TAF2: variants seen among roughly 807,000 people sequenced by gnomAD.
TAF2 encodes TATA-box binding protein associated factor 2.
TAF2 carries 61 observed loss-of-function variants against 138.5 expected under a neutral mutation model. The ratio of observed to expected loss-of-function variants is 0.44; its 90% confidence interval spans 0.36 to 0.54. The LOEUF (loss-of-function observed/expected upper bound fraction) is 0.54. TAF2 is among the 20% of genes least tolerant of loss of function. TAF2 has a pLI of 0.00. For synonymous variants in TAF2, 475 were observed against 469.9 expected, an observed-to-expected ratio of 1.01 and a Z score of -0.14; for missense variants, 1,090 against 1,427.9, an observed-to-expected ratio of 0.76 and a Z score of 3.81.
intron 20 of TAF2, chr8:119,760,323 A>ATATTC (rs763467662): frequency 2.3e-4 from 71 of 312,820 alleles, no homozygotes; most frequent in Non-Finnish European, 3.8e-4. Context: ...TTTCTCAAAA[A>ATATTC]TATTCTATTT....
intron 2 of TAF2, among the ~76,000 whole-genome samples, chr8:119,828,929 C>T (rs4871651): frequency 3.3e-5 from 5 of 152,202 alleles, no homozygotes; most frequent in Admixed American, 3.3e-4. Context: ...AAAACCTCCA[C>T]AGTCAATATG....
At chr8:119,771,736 A>T (rs561706753) in intron 18 of TAF2, among the ~76,000 whole-genome samples, 1 of 152,342 alleles carries the variant, frequency 6.6e-6, no homozygotes, top group Admixed American at 6.5e-5. Context: ...CAATGCAATA[A>T]TAGTGGTGGA....
At chr8:119,796,366 A>T (rs1169410720) in intron 8 of TAF2, among the ~76,000 whole-genome samples, 1 of 152,136 alleles carries the variant, frequency 6.6e-6, no homozygotes, top group Non-Finnish European at 1.5e-5. Context: ...AATGTTCACA[A>T]TTATAATCTT....
intron 3 of TAF2, among the ~76,000 whole-genome samples, chr8:119,814,204 AG>A (rs1291488563): frequency 6.6e-6 from 1 of 152,138 alleles, no homozygotes; most frequent in Non-Finnish European, 1.5e-5. Context: ...AAGATGAAAT[AG>A]TAAGGCTTCA....
intron 22 of TAF2, among the ~76,000 whole-genome samples, chr8:119,748,389 G>A (rs888643869): frequency 6.6e-6 from 1 of 150,546 alleles, no homozygotes; most frequent in Admixed American, 6.7e-5. Context: ...ATCTGCAATG[G>A]GAAAAATTGT....
chr8:119,783,510 T>C lies in TAF2; in HGVS notation c.1983A>G (p.Ala661=), dbSNP rs1410888711. 9.9e-6 allele frequency: 16 copies of C among 1,614,074 alleles called. No homozygotes were observed. Among genetic ancestry groups the C allele is most frequent in the Non-Finnish European group, 1.4e-5 (16 of 1,180,042 alleles). Reference sequence around the variant, plus strand: ...CCAAAGCCAAAATGGATTCCTGCTGTGCAACAACATCTCTCTCATAGCGGA... The same window carrying C: ...CCAAAGCCAAAATGGATTCCTGCTGCGCAACAACATCTCTCTCATAGCGGA... ...YQLRYERDVV[A]QQESILALEK... is the part of the protein sequence containing the mutation. Residue 661 remains alanine, a synonymous_variant, in exon 16 of 26, where the codon GCA becomes GCG. Transcript: ENST00000378164.
intron 3 of TAF2, among the ~76,000 whole-genome samples, chr8:119,817,352 T>C (rs779482528): frequency 2.6e-5 from 4 of 152,124 alleles, no homozygotes; most frequent in Non-Finnish European, 4.4e-5. Flanking sequence ...TAGATTCTCA[T>C]AGGAGCCCAA....
At chr8:119,823,799 C>T (rs909911649) in intron 2 of TAF2, among the ~76,000 whole-genome samples, 8 of 152,172 alleles carry the variant, frequency 5.3e-5, no homozygotes, top group African/African-American at 1.9e-4. Context: ...TTGGAACTTC[C>T]TATAGACTTG....
chr8:119,732,531 C>T (rs540025413), intron 25 of TAF2, among the ~76,000 whole-genome samples: 4 of 152,174 alleles, frequency 2.6e-5, no homozygotes, highest in South Asian at 4.2e-4. Flanking sequence ...GGTCCGGGGG[C>T]GGTGGCTCAC....
intron 3 of TAF2, among the ~76,000 whole-genome samples, chr8:119,807,163 C>T (rs1402270655): frequency 2.0e-5 from 3 of 152,158 alleles, no homozygotes; most frequent in African/African-American, 7.2e-5. Flanking sequence ...GTAATAGCAC[C>T]TACCTCCACC....
chr8:119,806,747 C>G (rs1824684634), intron 3 of TAF2, among the ~76,000 whole-genome samples: 1 of 152,150 alleles, frequency 6.6e-6, no homozygotes, highest in South Asian at 2.1e-4. Flanking sequence ...GGATTACAGG[C>G]ATGAGCCACC....
chr8:119,811,667 G>A (rs1231547149), intron 3 of TAF2, among the ~76,000 whole-genome samples: 3 of 151,412 alleles, frequency 2.0e-5, no homozygotes, highest in Admixed American at 6.6e-5. Context: ...TTAGCCGGGC[G>A]TGGTGGTGGG....
Position 119,778,057 on chromosome 8 carries a change from A to T in TAF2, c.2326T>A (p.Leu776Ile). 1 of 1,584,304 alleles carries T rather than the reference A, an allele frequency of 6.3e-7. No homozygotes were observed. Among genetic ancestry groups the T allele is most frequent in the Non-Finnish European group, 8.7e-7 (1 of 1,155,974 alleles). Residue 776 changes from leucine (L) to isoleucine (I), a missense_variant, in exon 18 of 26, where the codon TTA (leucine) becomes ATA (isoleucine). By Grantham distance (5) the Leu-to-Ile change is conservative. Around this residue, in one of 3 missense-constraint regions of TAF2, gnomAD observed 580 missense variants for 719.6 expected, o/e 0.81. Coordinates refer to ENST00000378164, the MANE Select transcript of TAF2 (RefSeq NM_003184.4). ...TTGTCATTGTACTTGATTAAGTCTA[A>T]AATAAATGTTAAGACTTCTTTAGGA... ...LCPKEVLTFILDLIKYNDNRK... is the reference protein window; with the variant it reads ...LCPKEVLTFIIDLIKYNDNRK...
chr8:119,742,705 C>CAA, intron 24 of TAF2, 49 bp from the exon 25 acceptor site: 1 of 1,587,430 alleles, frequency 6.3e-7, no homozygotes, highest in Admixed American at 1.8e-5. Context: ...CTTTGTTTCC[C>CAA]AAAAGAAAAA....
At chr8:119,816,275 T>A (rs894977973) in intron 3 of TAF2, among the ~76,000 whole-genome samples, 1 of 151,770 alleles carries the variant, frequency 6.6e-6, no homozygotes, top group Non-Finnish European at 1.5e-5. Flanking sequence ...GCCAGGATAG[T>A]CTCGATCTCC....
intron 2 of TAF2, among the ~76,000 whole-genome samples, chr8:119,823,032 CCCA>C (rs2131262913): frequency 6.6e-6 from 1 of 152,236 alleles, no homozygotes; most frequent in African/African-American, 2.4e-5. Context: ...GCACCCACTC[CCCA>C]CAATATCCTC....
intron 17 of TAF2, among the ~76,000 whole-genome samples, chr8:119,778,795 G>C (rs1367272139): frequency 6.6e-6 from 1 of 152,080 alleles, no homozygotes; most frequent in African/African-American, 2.4e-5. Flanking sequence ...TAAGAATGTA[G>C]AAACATGACT....
In TAF2 at chr8:119,762,487, A is replaced by G; in HGVS notation, c.2486T>C (p.Ile829Thr). The change falls in exon 19 of 26, where the codon ATT becomes ACT. Residue 829 changes from isoleucine to threonine, a missense_variant. Ile to Thr is a moderately conservative substitution (Grantham distance 89, BLOSUM62 -1). This residue lies in a region of TAF2 where 580 missense variants were observed against 719.6 expected (regional missense o/e 0.81). Coordinates refer to ENST00000378164, the MANE Select transcript of TAF2 (RefSeq NM_003184.4). ...CAAAAATCTGGTGATTTCTTCAAGA[A>G]TGAGTCGCACATCAGGATTTAAGTT... ...LDNLNPDVRLILEEITRFLNM... is the reference protein window; with the variant it reads ...LDNLNPDVRLTLEEITRFLNM... The G allele has an allele frequency of 3.1e-6, 5 of 1,614,050 alleles. No individual in the cohort carries two copies. The highest frequency in any genetic ancestry group is 4.2e-6 in the Non-Finnish European group (5 of 1,179,952).
intron 3 of TAF2, among the ~76,000 whole-genome samples, chr8:119,816,174 C>T (rs1465128988): frequency 6.6e-6 from 1 of 151,794 alleles, no homozygotes; most frequent in African/African-American, 2.4e-5. Context: ...CCTCAGCCTC[C>T]CAAGTAGCTG....
Sources: gnomAD v4.1 joint callset for allele counts (sites outside exome capture counted in the v4.1 genomes callset) on GRCh38, gnomAD v4.1.1 for gene constraint, gnomAD v4.1.1 regional missense constraint, MANE v1.5 for transcripts, NCBI Gene and HGNC (gene_info 2026-07-23, HGNC 2026-07-21) for gene names.